The following CMSS1 variants were observed in gnomAD, a reference collection of about 807,000 sequenced individuals.
CMSS1 encodes protein CMSS1.
CMSS1 carries 33 observed loss-of-function variants against 43.5 expected under a neutral mutation model. The observed-to-expected ratio is 0.76, with a 90% CI of 0.57 to 1.01. The LOEUF is 1.01. Among genes scored for constraint, CMSS1 ranks in the 50% least tolerant of loss-of-function variants. The pLI is 0.00. For missense variants in CMSS1, 313 were observed against 326.4 expected, an observed-to-expected ratio of 0.96 and a Z score of 0.32; for synonymous variants, 115 against 117.2, an observed-to-expected ratio of 0.98 and a Z score of 0.12.
intron 1 of CMSS1, among the ~76,000 whole-genome samples, chr3:100,034,253 A>G (rs959986506): frequency 2.6e-5 from 4 of 152,206 alleles, no homozygotes; most frequent in African/African-American, 7.2e-5. Context: ...AATGGGGGGA[A>G]AAAGCTGCAG....
chr3:100,155,794 C>T (rs2066966659), intron 2 of CMSS1, among the ~76,000 whole-genome samples: 2 of 152,296 alleles, frequency 1.3e-5, no homozygotes, highest in South Asian at 4.1e-4. Context: ...TGCAAATAAA[C>T]TTTATTCATA....
chr3:99,919,940 T>C (rs1707072110), intron 1 of CMSS1, among the ~76,000 whole-genome samples: 1 of 152,188 alleles, frequency 6.6e-6, no homozygotes, highest in Non-Finnish European at 1.5e-5. Context: ...TAGTCAAACT[T>C]GGACAGAAAA....
intron 1 of CMSS1, among the ~76,000 whole-genome samples, chr3:99,829,710 C>T (rs892191542): frequency 6.6e-6 from 1 of 152,060 alleles, no homozygotes; most frequent in Non-Finnish European, 1.5e-5. Flanking sequence ...ATGATAAATT[C>T]TGTATTTTTT....
At chr3:99,974,472 G>C (rs1161308353) in intron 1 of CMSS1, among the ~76,000 whole-genome samples, 1 of 152,178 alleles carries the variant, frequency 6.6e-6, no homozygotes, top group Non-Finnish European at 1.5e-5. Flanking sequence ...CACTTTGGGA[G>C]GCCGAGGCAG....
Position 100,179,253 on chromosome 3 carries a change from GTTC to G in CMSS1, c.*870_*872del, listed in dbSNP as rs2067170738. 6.6e-6 allele frequency: 1 copy of G among 152,188 alleles called. No homozygotes were observed. The highest frequency in any genetic ancestry group is 6.5e-5 in the Admixed American group (1 of 15,280). The allele number at this position is 152,188 out of a possible 1,614,324, so 9.4% of individuals were successfully genotyped here. On this transcript the variant is annotated 3_prime_UTR_variant, in exon 10 of 10. Transcript: ENST00000421999. ...CACCCCGGCCTCTTCCAAATTTCAT[GTTC>G]TTCTCACATTTCAAAACACAATCAT...
intron 2 of CMSS1, among the ~76,000 whole-genome samples, chr3:100,148,516 T>A (rs2066873928): frequency 6.6e-6 from 1 of 152,226 alleles, no homozygotes; most frequent in African/African-American, 2.4e-5. Context: ...CCAAAGTTTG[T>A]GACCCAGCTC....
At chr3:100,158,836 T>C (rs1319074253) in intron 2 of CMSS1, among the ~76,000 whole-genome samples, 1 of 152,270 alleles carries the variant, frequency 6.6e-6, no homozygotes, top group Non-Finnish European at 1.5e-5. Flanking sequence ...TTAATTGGCT[T>C]TGTAAACCTA....
chr3:100,172,256 G>A (rs1311944684), intron 7 of CMSS1, 60 bp from the exon 8 acceptor site: 5 of 1,397,584 alleles, frequency 3.6e-6, no homozygotes, highest in Non-Finnish European at 4.0e-6. Flanking sequence ...TTCTAAATTG[G>A]TGTAAGATAG....
chr3:99,972,399 G>A (rs1390293828), intron 1 of CMSS1, among the ~76,000 whole-genome samples: 1 of 152,180 alleles, frequency 6.6e-6, no homozygotes, highest in East Asian at 1.9e-4. Flanking sequence ...CATAAACCGT[G>A]AGAAGCCTCT....
intron 1 of CMSS1, among the ~76,000 whole-genome samples, chr3:99,943,529 C>A (rs1455078286): frequency 6.6e-6 from 1 of 152,016 alleles, no homozygotes; most frequent in African/African-American, 2.4e-5. Context: ...TATGGTGAAA[C>A]CCCATCTCTA....
intron 1 of CMSS1, among the ~76,000 whole-genome samples, chr3:99,935,874 C>T (rs1440411601): frequency 6.6e-6 from 1 of 152,118 alleles, no homozygotes; most frequent in African/African-American, 2.4e-5. Flanking sequence ...TGCAAGAGGA[C>T]TAGAAGAGAG....
chr3:99,832,017 C>T (rs1478598577), intron 1 of CMSS1, among the ~76,000 whole-genome samples: 1 of 152,104 alleles, frequency 6.6e-6, no homozygotes, highest in East Asian at 1.9e-4. Flanking sequence ...AACACTGATA[C>T]GTGTTGGTGA....
At chr3:100,041,856 A>G (rs2065210424) in intron 1 of CMSS1, among the ~76,000 whole-genome samples, 1 of 152,192 alleles carries the variant, frequency 6.6e-6, no homozygotes, top group African/African-American at 2.4e-5. Context: ...ACATGAAAGT[A>G]TATCACATGC....
chr3:100,067,166 CGTTT>C lies in CMSS1; in HGVS notation c.65-79778_65-79775del, dbSNP rs4062235. Among the ~76,000 whole-genome samples the C allele has an allele frequency of 8.3e-3, 1,256 of 150,978 alleles. 5 individuals are homozygous for C. The highest frequency in any genetic ancestry group is 0.021 in the African/African-American group (861 of 41,188). ...GAAGCCCTGGCTATGTTTTTGATCTCGTTTGTTTGTTTGTTTGTTTGTTTGTTTG... is the reference window on the plus strand; with the variant it reads ...GAAGCCCTGGCTATGTTTTTGATCTCGTTTGTTTGTTTGTTTGTTTGTTTG... On this transcript the variant is annotated intron_variant, in intron 1 of 9. Transcript: ENST00000421999.
At chr3:99,993,877 A>G (rs1709597622) in intron 1 of CMSS1, among the ~76,000 whole-genome samples, 1 of 152,066 alleles carries the variant, frequency 6.6e-6, no homozygotes, top group Non-Finnish European at 1.5e-5. Flanking sequence ...TTTATTTACT[A>G]GTATTTTGTT....
chr3:99,823,458 T>C (rs998467880), intron 1 of CMSS1, among the ~76,000 whole-genome samples: 14 of 152,214 alleles, frequency 9.2e-5, no homozygotes, highest in South Asian at 4.1e-4. Flanking sequence ...CCTAGCAGTA[T>C]TCTGATTTAT....
chr3:100,141,478 G>C (rs1046385229), intron 1 of CMSS1: 1 of 446,704 alleles, frequency 2.2e-6, no homozygotes, highest in Non-Finnish European at 4.5e-6. Context: ...CGGTCTTAAC[G>C]TACTCTTTTG....
chr3:99,922,376 A>C (rs151110743), intron 1 of CMSS1, among the ~76,000 whole-genome samples: 1 of 152,116 alleles, frequency 6.6e-6, no homozygotes, highest in East Asian at 1.9e-4. Context: ...TGCTCCTTTA[A>C]TCTGTCCCTG....
chr3:99,864,533 T>C (rs577093450), intron 1 of CMSS1, among the ~76,000 whole-genome samples: 1 of 152,302 alleles, frequency 6.6e-6, no homozygotes, highest in African/African-American at 2.4e-5. Flanking sequence ...GTGTTCTTTC[T>C]ACCTAACAAC....
Sources: allele counts gnomAD v4.1 joint callset (sites outside exome capture counted in the v4.1 genomes callset), GRCh38; gene constraint gnomAD v4.1.1; transcripts MANE v1.5; gene names NCBI Gene and HGNC (gene_info 2026-07-23, HGNC 2026-07-21).